The following GALNT7 variants were observed in gnomAD, a reference collection of about 807,000 sequenced individuals.
GALNT7 encodes N-acetylgalactosaminyltransferase 7.
A neutral mutation model predicts 82.1 loss-of-function variants in GALNT7; 60 were observed. That is an observed-to-expected ratio of 0.73 (90% CI 0.59 to 0.91). The LOEUF is 0.91. GALNT7 is among the 40% of genes least tolerant of loss of function. The probability of loss-of-function intolerance (pLI) is 0.00; values close to 1 mark genes in which losing one functional copy is unlikely to be tolerated. For missense variants in GALNT7, 660 were observed against 804.2 expected, an observed-to-expected ratio of 0.82 and a Z score of 2.17; for synonymous variants, 243 against 275.1, an observed-to-expected ratio of 0.88 and a Z score of 1.15.
intron 2 of GALNT7, among the ~76,000 whole-genome samples, chr4:173,283,362 A>T (rs1196372019): frequency 3.3e-5 from 5 of 152,148 alleles, no homozygotes; most frequent in Non-Finnish European, 5.9e-5. Flanking sequence ...TCTAAAGCCG[A>T]TCTAGACGTG....
At chr4:173,321,354 C>G (rs1737807342) in intron 11 of GALNT7, among the ~76,000 whole-genome samples, 1 of 152,048 alleles carries the variant, frequency 6.6e-6, no homozygotes, top group Non-Finnish European at 1.5e-5. Context: ...TGTGAGATAC[C>G]AGCAGTATAT....
intron 11 of GALNT7, among the ~76,000 whole-genome samples, chr4:173,319,690 A>T (rs1463021169): frequency 1.3e-5 from 2 of 152,194 alleles, no homozygotes; most frequent in Admixed American, 1.3e-4. Flanking sequence ...AGCACTGAAT[A>T]TACATTTGTG....
At chr4:173,214,686 C>A (rs1299608299) in intron 1 of GALNT7, among the ~76,000 whole-genome samples, 1 of 152,176 alleles carries the variant, frequency 6.6e-6, no homozygotes. Context: ...ACTTCTCAAG[C>A]CTGGTAGAGT....
At chr4:173,178,360 C>T (rs143083521) in intron 1 of GALNT7, among the ~76,000 whole-genome samples, 1 of 152,030 alleles carries the variant, frequency 6.6e-6, no homozygotes, top group African/African-American at 2.4e-5. Context: ...CATTTCAATA[C>T]TCTTAGTTTT....
intron 2 of GALNT7, among the ~76,000 whole-genome samples, chr4:173,250,437 T>C (rs569520689): frequency 1.3e-5 from 2 of 152,260 alleles, no homozygotes; most frequent in South Asian, 4.1e-4. Flanking sequence ...CCTCTGTGCC[T>C]TCCTCCCCTT....
At chr4:173,182,313 A>G (rs1008023694) in intron 1 of GALNT7, among the ~76,000 whole-genome samples, 1 of 152,216 alleles carries the variant, frequency 6.6e-6, no homozygotes, top group African/African-American at 2.4e-5. Context: ...TAGAAAACTT[A>G]AGGTAAGAGC....
At chr4:173,227,533 G>A (rs111641125) in intron 1 of GALNT7, among the ~76,000 whole-genome samples, 31 of 152,154 alleles carry the variant, frequency 2.0e-4, no homozygotes, top group African/African-American at 4.3e-4. Flanking sequence ...GGGTTTCACC[G>A]TGTTAGCCAA....
intron 1 of GALNT7, among the ~76,000 whole-genome samples, chr4:173,217,044 T>C (rs1157338183): frequency 6.6e-6 from 1 of 151,992 alleles, no homozygotes; most frequent in East Asian, 1.9e-4. Context: ...ATTATATATT[T>C]TTATATACTT....
rs868194138 is a variant in GALNT7 at position 173,302,556 on chromosome 4, G to A, written c.1266+392G>A. Among the ~76,000 whole-genome samples the A allele has an allele frequency of 1.3e-5, 2 of 152,322 alleles. No homozygotes were observed. The highest frequency in any genetic ancestry group is 3.4e-3 in the Middle Eastern group (1 of 294). On this transcript the variant is annotated intron_variant, in intron 7 of 11. Coordinates refer to ENST00000265000, the MANE Select transcript of GALNT7 (RefSeq NM_017423.3). The surrounding 1 kb of genome is among the most constrained non-coding windows in gnomAD (Gnocchi z 4.2). The stretch of plus-strand genomic sequence containing the variant: ...CCACTGTAGGACATGATTCAAGACA[G>A]AAGCAGAGCCCCACAATGACTGTAT...
intron 1 of GALNT7, among the ~76,000 whole-genome samples, chr4:173,192,786 A>G (rs2126642308): frequency 6.6e-6 from 1 of 152,342 alleles, no homozygotes; most frequent in East Asian, 1.9e-4. Context: ...ATTTTAAGCT[A>G]CATCCCATTC....
At chr4:173,299,613 G>A (rs1002222428) in intron 6 of GALNT7, among the ~76,000 whole-genome samples, 5 of 152,160 alleles carry the variant, frequency 3.3e-5, no homozygotes, top group African/African-American at 4.8e-5. Flanking sequence ...TTGGGAGGCC[G>A]AGGCAGGCGG....
intron 7 of GALNT7, among the ~76,000 whole-genome samples, chr4:173,303,135 T>C (rs1428811659): frequency 2.7e-5 from 4 of 150,936 alleles, no homozygotes; most frequent in Admixed American, 6.6e-5. Context: ...GCGGAGATTG[T>C]AGTGAGCCGA....
At chr4:173,268,529 CGT>C (rs1735591823) in intron 2 of GALNT7, among the ~76,000 whole-genome samples, 5 of 60,956 alleles carry the variant, frequency 8.2e-5, no homozygotes, top group Admixed American at 2.3e-4. Flanking sequence ...TTTTCTCTCT[CGT>C]TTTTTTTTTT....
intron 11 of GALNT7, 101 bp from the exon 12 acceptor site, chr4:173,321,479 A>G: frequency 1.3e-6 from 1 of 793,900 alleles, no homozygotes; most frequent in Non-Finnish European, 2.1e-6. Context: ...AAGCTTTTCC[A>G]TTTCCTTAAA....
intron 2 of GALNT7, among the ~76,000 whole-genome samples, chr4:173,268,534 T>G (rs1211965717): frequency 2.1e-5 from 2 of 95,158 alleles, no homozygotes; most frequent in African/African-American, 1.0e-4. Flanking sequence ...TCTCTCGTTT[T>G]TTTTTTTTTT....
chr4:173,232,887 C>T (rs1487065794), intron 1 of GALNT7, among the ~76,000 whole-genome samples: 1 of 152,184 alleles, frequency 6.6e-6, no homozygotes, highest in Non-Finnish European at 1.5e-5. Flanking sequence ...TAACCAATCT[C>T]TCTTTACCCC....
intron 2 of GALNT7, among the ~76,000 whole-genome samples, chr4:173,266,515 T>C (rs1378394209): frequency 6.6e-6 from 1 of 152,192 alleles, no homozygotes; most frequent in Non-Finnish European, 1.5e-5. Flanking sequence ...GTATTTTTGA[T>C]ACATTTGTGA....
At chr4:173,195,368 G>C (rs1246490858) in intron 1 of GALNT7, among the ~76,000 whole-genome samples, 1 of 152,162 alleles carries the variant, frequency 6.6e-6, no homozygotes, top group Non-Finnish European at 1.5e-5. Flanking sequence ...CTACTTTGAA[G>C]TGCAATTCAC....
chr4:173,169,485 G>C (rs957221400), intron 1 of GALNT7: 1 of 151,552 alleles, frequency 6.6e-6, no homozygotes, highest in South Asian at 2.1e-4. Context: ...CCGCCCGTCT[G>C]GGGGTGTTCG....
Sources: gnomAD v4.1 joint callset for allele counts (sites outside exome capture counted in the v4.1 genomes callset) on GRCh38, gnomAD v4.1.1 for gene constraint, Gnocchi (gnomAD v3.1) non-coding constraint, MANE v1.5 for transcripts, NCBI Gene and HGNC (gene_info 2026-07-23, HGNC 2026-07-21) for gene names.